Variants in RXRA observed in about 807,000 individuals in gnomAD.
The protein encoded by RXRA is retinoic acid receptor RXR-alpha.
In RXRA, 5 loss-of-function variants were observed where a neutral mutation model predicts 44.5. That is an observed-to-expected ratio of 0.11 (90% CI 0.06 to 0.24). The LOEUF is 0.24. Among genes scored for constraint, RXRA ranks in the 10% least tolerant of loss-of-function variants. RXRA has a pLI of 1.00. For synonymous variants in RXRA, 291 were observed against 271.4 expected (o/e 1.07, Z -0.71); for missense variants, 412 against 646.5 (o/e 0.64, Z 3.93).
chr9:134,429,504 G>A (rs770250019), intron 7 of RXRA, among the ~76,000 whole-genome samples: 1 of 152,224 alleles, frequency 6.6e-6, no homozygotes, highest in African/African-American at 2.4e-5. Flanking sequence ...GTATTTATCC[G>A]TGGGAAGGAA....
At chr9:134,370,018 G>A (rs995305845) in intron 1 of RXRA, among the ~76,000 whole-genome samples, 6 of 152,192 alleles carry the variant, frequency 3.9e-5, no homozygotes, top group Non-Finnish European at 2.9e-5. Context: ...AGCACAGCCC[G>A]TTTCCCTTTG....
intron 1 of RXRA, among the ~76,000 whole-genome samples, chr9:134,333,495 C>T (rs1835039813): frequency 1.3e-5 from 2 of 152,094 alleles, no homozygotes; most frequent in Non-Finnish European, 2.9e-5. Flanking sequence ...CGTGCGGGGT[C>T]TGGAGCCTCT....
intron 1 of RXRA, among the ~76,000 whole-genome samples, chr9:134,368,026 C>T (rs549395997): frequency 6.6e-5 from 10 of 152,256 alleles, no homozygotes; most frequent in Admixed American, 2.0e-4. Flanking sequence ...CACCACAGCT[C>T]GCGCATGCTC....
In RXRA at chr9:134,426,173, G is replaced by T; in HGVS notation, c.911-2935G>T. 1 of 985,416 alleles carries T rather than the reference G, an allele frequency of 1.0e-6. No homozygotes were observed. Among genetic ancestry groups the T allele is most frequent in the Non-Finnish European group, 1.2e-6 (1 of 829,936 alleles). 61.0% of individuals were successfully genotyped at this position (985,416 alleles called of 1,614,324 possible). A position where few individuals can be genotyped will look rare whatever the true frequency, so the allele number is the denominator to read the frequency against. ...CAAGACTCTTTGTCCTGCGCTTGGA[G>T]CCTGGAGTAAGACCTGGTATCCTCT... is the stretch of plus-strand genomic sequence containing the variant. On this transcript the variant is annotated intron_variant, in intron 6 of 9. Coordinates refer to ENST00000481739, the MANE Select transcript of RXRA (RefSeq NM_002957.6). The surrounding 1 kb of genome is among the most constrained non-coding windows in gnomAD (Gnocchi z 4.6).
At chr9:134,418,100 G>A (rs1364916726) in intron 5 of RXRA, among the ~76,000 whole-genome samples, 3 of 152,164 alleles carry the variant, frequency 2.0e-5, no homozygotes, top group Non-Finnish European at 4.4e-5. Flanking sequence ...GCACAGGGGC[G>A]TTCTGAGCCC....
At chr9:134,421,495 C>A (rs895056863) in intron 5 of RXRA, among the ~76,000 whole-genome samples, 181 bp from the exon 6 acceptor site, 2 of 152,204 alleles carry the variant, frequency 1.3e-5, no homozygotes, top group Non-Finnish European at 2.9e-5. Context: ...CTCTGCCAAG[C>A]CCCATGTGCC....
chr9:134,405,471 C>G (rs141201165), intron 2 of RXRA: 12 of 152,346 alleles, frequency 7.9e-5, no homozygotes, highest in African/African-American at 2.9e-4. Context: ...TTGGCCCTGA[C>G]ACTGAGAGGG....
chr9:134,434,368 C>T (rs551097827), intron 9 of RXRA, among the ~76,000 whole-genome samples, 161 bp downstream of exon 9: 7 of 152,228 alleles, frequency 4.6e-5, no homozygotes, highest in Non-Finnish European at 8.8e-5. Context: ...TCCTCCAGGC[C>T]AGTGGGCTGT....
At position 134,349,118 on chromosome 9, in the gene RXRA, C is replaced by T. The variant is rs931333530; in HGVS notation, c.28+22459C>T. On this transcript the variant is annotated intron_variant, in intron 1 of 9. Coordinates refer to ENST00000481739, the MANE Select transcript of RXRA (RefSeq NM_002957.6). The surrounding 1 kb of genome is among the most constrained non-coding windows in gnomAD (Gnocchi z 4.3). ...GGACTTGTGCTGTCCCTGAACTCAC[C>T]GAGGGCCAGGAGGGGTCCTGAACAC... 2.0e-5 allele frequency among the ~76,000 whole-genome samples: 3 copies of T among 152,282 alleles called. No homozygotes were observed. Among genetic ancestry groups the T allele is most frequent in the East Asian group, 1.9e-4 (1 of 5,178 alleles).
At chr9:134,381,065 C>G (rs1830637562) in intron 1 of RXRA, among the ~76,000 whole-genome samples, 1 of 152,168 alleles carries the variant, frequency 6.6e-6, no homozygotes, top group Admixed American at 6.5e-5. Context: ...GTGACCCGGA[C>G]AAGGGGTTTT....
At chr9:134,370,849 A>G (rs1341193411) in intron 1 of RXRA, among the ~76,000 whole-genome samples, 1 of 152,208 alleles carries the variant, frequency 6.6e-6, no homozygotes, top group Non-Finnish European at 1.5e-5. Flanking sequence ...ACTCCAGGAG[A>G]GAACGCTGCC....
chr9:134,389,941 C>A (rs568490186), intron 1 of RXRA, among the ~76,000 whole-genome samples: 2 of 152,306 alleles, frequency 1.3e-5, no homozygotes, highest in Admixed American at 1.3e-4. Context: ...CACCTGTTCA[C>A]CCTCGCATCT....
At chr9:134,329,213 G>A (rs946296101) in intron 1 of RXRA, among the ~76,000 whole-genome samples, 6 of 152,248 alleles carry the variant, frequency 3.9e-5, no homozygotes, top group African/African-American at 1.4e-4. Flanking sequence ...TGCAGCCTGT[G>A]TGAGGGGCTT....
intron 1 of RXRA, among the ~76,000 whole-genome samples, chr9:134,394,368 G>T (rs893260633): frequency 6.6e-6 from 1 of 151,964 alleles, no homozygotes; most frequent in Non-Finnish European, 1.5e-5. Context: ...TGGTTTTCCT[G>T]CCGAGGCCCT....
At position 134,436,439 on chromosome 9, in the gene RXRA, C is replaced by T. The variant is rs35648011; in HGVS notation, c.1242-28C>T. The T allele has an allele frequency of 1.8e-3, 2,864 of 1,611,192 alleles. 5 individuals carry two copies. Among genetic ancestry groups the T allele is most frequent in the African/African-American group, 4.3e-3 (321 of 75,020 alleles). On this transcript the variant is annotated intron_variant, in intron 9 of 9. Coordinates refer to ENST00000481739, the MANE Select transcript of RXRA (RefSeq NM_002957.6). ...GGCAGAACTGCCCATGCCCCTTGCC[C>T]GGCCCTCACCAGACCTGTTCCCTGC...
In RXRA at chr9:134,361,274, G is replaced by A. The variant is rs142665206; in HGVS notation, c.28+34615G>A. Among the ~76,000 whole-genome samples the A allele has an allele frequency of 1.2e-3, 185 of 152,300 alleles. 1 individual carries two copies. Among genetic ancestry groups the A allele is most frequent in the African/African-American group, 4.2e-3 (173 of 41,558 alleles). ...TTTCAATGTCCTCATTTCACTGAGG[G>A]GTAAACTGAGGCCTCCCAGGAAGCA... is the stretch of plus-strand genomic sequence containing the variant. On this transcript the variant is annotated intron_variant, in intron 1 of 9. Coordinates refer to ENST00000481739, the MANE Select transcript of RXRA (RefSeq NM_002957.6).
chr9:134,425,477 G>A (rs1029126902), intron 6 of RXRA: 7 of 982,560 alleles, frequency 7.1e-6, no homozygotes, highest in Non-Finnish European at 8.4e-6. Flanking sequence ...TTCCAAGGCC[G>A]TGTTAGCTGC....
chr9:134,352,418 G>A (rs528942433), intron 1 of RXRA, among the ~76,000 whole-genome samples: 2 of 152,198 alleles, frequency 1.3e-5, no homozygotes, highest in Admixed American at 6.5e-5. Context: ...CCCTGCTTCT[G>A]AGCAGGGGCC....
At chr9:134,364,738 C>G in intron 1 of RXRA, among the ~76,000 whole-genome samples, 1 of 152,196 alleles carries the variant, frequency 6.6e-6, no homozygotes, top group Non-Finnish European at 1.5e-5. Context: ...CTGGGGTGTT[C>G]TGGGAGATTG....
Sources: gnomAD v4.1 joint callset for allele counts (sites outside exome capture counted in the v4.1 genomes callset) on GRCh38, gnomAD v4.1.1 for gene constraint, Gnocchi (gnomAD v3.1) non-coding constraint, MANE v1.5 for transcripts, NCBI Gene and HGNC (gene_info 2026-07-23, HGNC 2026-07-21) for gene names.